MYO3B: variants seen among roughly 807,000 people sequenced by gnomAD.
MYO3B encodes the protein myosin IIIB, also known as myosin-IIIb.
MYO3B carries 156 observed loss-of-function variants against 174.6 expected under a neutral mutation model. That is an observed-to-expected ratio of 0.89 (90% CI 0.78 to 1.02). MYO3B has a LOEUF of 1.02. MYO3B is among the 50% of genes least tolerant of loss of function. The probability of loss-of-function intolerance (pLI) is 0.00; values close to 1 mark genes in which losing one functional copy is unlikely to be tolerated. For missense variants in MYO3B, 1,632 were observed against 1,639.4 expected, an observed-to-expected ratio of 1.00 and a Z score of 0.08; for synonymous variants, 563 against 569.1, an observed-to-expected ratio of 0.99 and a Z score of 0.15.
At chr2:170,519,835 T>C (rs1482864019) in intron 30 of MYO3B, 2 of 275,352 alleles carry the variant, frequency 7.3e-6, no homozygotes, top group East Asian at 2.1e-4. Context: ...GAGCTGGCCA[T>C]GGTGGCATGT....
At chr2:170,411,320 T>C (rs1203171141) in intron 22 of MYO3B, among the ~76,000 whole-genome samples, 2 of 152,220 alleles carry the variant, frequency 1.3e-5, no homozygotes, top group African/African-American at 2.4e-5. Flanking sequence ...ACAAACATCA[T>C]AGAGTTCTTA....
chr2:170,343,912 G>T (rs2093996242), intron 8 of MYO3B: 1 of 152,178 alleles, frequency 6.6e-6, no homozygotes, highest in Non-Finnish European at 1.5e-5. Context: ...GTATGTAATA[G>T]AAAACCCCAA....
At chr2:170,535,693 T>G (rs1689644172) in intron 30 of MYO3B, among the ~76,000 whole-genome samples, 1 of 152,216 alleles carries the variant, frequency 6.6e-6, no homozygotes, top group African/African-American at 2.4e-5. Flanking sequence ...GGACCTCTGC[T>G]GCTAGCACTG....
intron 7 of MYO3B, among the ~76,000 whole-genome samples, chr2:170,243,020 T>C (rs1215704862): frequency 6.6e-6 from 1 of 152,212 alleles, no homozygotes; most frequent in African/African-American, 2.4e-5. Context: ...AGGAAGGTTC[T>C]TCACAGCTGG....
intron 32 of MYO3B, among the ~76,000 whole-genome samples, chr2:170,606,463 C>G (rs9287940): frequency 0.021 from 3,173 of 152,288 alleles, 131 homozygotes; most frequent in African/African-American, 0.072. Context: ...ACCACCATAT[C>G]CATGAGTTCC....
chr2:170,517,259 G>A (rs879453965), intron 29 of MYO3B, among the ~76,000 whole-genome samples: 19 of 152,290 alleles, frequency 1.2e-4, no homozygotes, highest in Non-Finnish European at 2.4e-4. Context: ...ATATTTTGAT[G>A]ACTGAAGTGT....
At chr2:170,381,294 G>T (rs914521909) in intron 9 of MYO3B, among the ~76,000 whole-genome samples, 1 of 152,038 alleles carries the variant, frequency 6.6e-6, no homozygotes, top group Non-Finnish European at 1.5e-5. Context: ...GATAAATAGA[G>T]TTTAAAAATC....
intron 22 of MYO3B, among the ~76,000 whole-genome samples, chr2:170,426,496 C>A (rs979782681): frequency 6.6e-6 from 1 of 150,784 alleles, no homozygotes; most frequent in African/African-American, 2.4e-5. Flanking sequence ...CCACCATGCC[C>A]GGATGATTTT....
At chr2:170,473,460 T>G (rs1048541238) in intron 25 of MYO3B, among the ~76,000 whole-genome samples, 1 of 152,144 alleles carries the variant, frequency 6.6e-6, no homozygotes, top group African/African-American at 2.4e-5. Flanking sequence ...TATCACTATT[T>G]TCTTTTATCA....
intron 22 of MYO3B, among the ~76,000 whole-genome samples, chr2:170,435,040 T>C (rs1355927371): frequency 6.6e-6 from 1 of 152,258 alleles, no homozygotes; most frequent in East Asian, 1.9e-4. Flanking sequence ...TACAGTGTTA[T>C]AAACTGAAAT....
intron 7 of MYO3B, among the ~76,000 whole-genome samples, chr2:170,249,165 A>G (rs905993070): frequency 3.3e-5 from 5 of 152,138 alleles, no homozygotes; most frequent in Admixed American, 6.5e-5. Flanking sequence ...GGTAGCCCCT[A>G]TCCTGAGCTC....
chr2:170,463,412 C>T lies in MYO3B; in HGVS notation c.2775C>T (p.Asn925=). The change falls in exon 24 of 35, where the codon AAC becomes AAT. Residue 925 remains asparagine (N), a synonymous_variant. Coordinates refer to ENST00000408978, the MANE Select transcript of MYO3B (RefSeq NM_138995.5). ...TACGGCATCCGGAAGAAACCACCAACATGAAGAGGCAAACTGTGGCTTCTT... is the reference window on the plus strand; with the variant it reads ...TACGGCATCCGGAAGAAACCACCAATATGAAGAGGCAAACTGTGGCTTCTT... ...EVIRHPEETT[N]MKRQTVASYF... The T allele has an allele frequency of 4.3e-6, 7 of 1,614,156 alleles. No individual in the cohort carries two copies. The highest frequency in any genetic ancestry group is 5.9e-6 in the Non-Finnish European group (7 of 1,180,036).
intron 9 of MYO3B, among the ~76,000 whole-genome samples, chr2:170,376,739 A>G (rs1032807833): frequency 6.6e-6 from 1 of 152,124 alleles, no homozygotes; most frequent in African/African-American, 2.4e-5. Flanking sequence ...CTGGGTGTGG[A>G]GGAGCAGAGG....
intron 9 of MYO3B, among the ~76,000 whole-genome samples, chr2:170,372,134 A>AAC (rs1237563594): frequency 1.4e-5 from 2 of 142,888 alleles, no homozygotes; most frequent in Non-Finnish European, 3.0e-5. Context: ...AAAAAAAAAA[A>AAC]AAAAAAAAAA....
intron 31 of MYO3B, 123 bp downstream of exon 31, chr2:170,543,089 A>T: frequency 1.3e-6 from 1 of 750,428 alleles, no homozygotes; most frequent in Non-Finnish European, 2.2e-6. Flanking sequence ...ACTGTTAGTG[A>T]TATTTTGAAG....
At chr2:170,263,854 C>G (rs1307690783) in intron 7 of MYO3B, among the ~76,000 whole-genome samples, 2 of 152,184 alleles carry the variant, frequency 1.3e-5, no homozygotes, top group African/African-American at 4.8e-5. Context: ...AGCACAGACC[C>G]TTTACCGGTA....
At chr2:170,518,874 G>A (rs539292839) in intron 29 of MYO3B, among the ~76,000 whole-genome samples, 35 of 152,326 alleles carry the variant, frequency 2.3e-4, no homozygotes, top group Non-Finnish European at 4.0e-4. Flanking sequence ...AAAGAAGGCC[G>A]TGATTGATTA....
intron 23 of MYO3B, 43 bp from the exon 24 acceptor site, chr2:170,463,325 G>A (rs1037050019): frequency 2.5e-6 from 4 of 1,572,004 alleles, no homozygotes; most frequent in Non-Finnish European, 3.5e-6. Flanking sequence ...CATGAGGTAA[G>A]TGCCTAGATC....
chr2:170,509,379 A>AT (rs1373809226), intron 28 of MYO3B, among the ~76,000 whole-genome samples: 2 of 152,128 alleles, frequency 1.3e-5, no homozygotes, highest in African/African-American at 4.8e-5. Context: ...ACAAAATGCT[A>AT]TAACTTCAAA....
Sources: gnomAD v4.1 joint callset for allele counts (sites outside exome capture counted in the v4.1 genomes callset) on GRCh38, gnomAD v4.1.1 for gene constraint, MANE v1.5 for transcripts, NCBI Gene and HGNC (gene_info 2026-07-23, HGNC 2026-07-21) for gene names.